The following TTC19 variants were observed in gnomAD, a reference collection of about 807,000 sequenced individuals.
The protein encoded by TTC19 is tetratricopeptide repeat domain 19, also known as tetratricopeptide repeat protein 19, mitochondrial.
A neutral mutation model predicts 49.5 loss-of-function variants in TTC19; 38 were observed. The ratio of observed to expected loss-of-function variants is 0.77; its 90% CI spans 0.59 to 1.01. The LOEUF (loss-of-function observed/expected upper bound fraction) is 1.01. Among genes scored for constraint, TTC19 ranks in the 50% least tolerant of loss-of-function variants. TTC19 has a pLI of 0.00. For missense variants in TTC19, 475 were observed against 477.7 expected (o/e 0.99, Z 0.05); for synonymous variants, 204 against 185.2 (o/e 1.10, Z -0.83).
chr17:16,015,318 G>C (rs1971182907), intron 7 of TTC19, among the ~76,000 whole-genome samples: 1 of 152,002 alleles, frequency 6.6e-6, no homozygotes. Flanking sequence ...ATATAGGACA[G>C]TGCTAAAAAC....
In TTC19 at chr17:16,017,405, C is replaced by T. The variant is rs369951424; in HGVS notation, c.677-7612C>T. On this transcript the variant is annotated intron_variant, in intron 7 of 9. Transcript: ENST00000261647. ...CAGAGCTTGCAGTGAGCCGAGATCG[C>T]GCCACTGCACTCCAGCCTGGGCGAC... 2.7e-4 allele frequency among the ~76,000 whole-genome samples: 39 copies of T among 146,484 alleles called. No individual in the cohort carries two copies. In the East Asian group the frequency reaches 4.0e-3, roughly 15 times the overall value.
rs371805295 is a variant in TTC19 at position 16,000,216 on chromosome 17, G to C, written c.283G>C (p.Glu95Gln). The C allele has an allele frequency of 1.1e-5, 18 of 1,595,098 alleles. No individual in the cohort carries two copies. Among genetic ancestry groups the C allele is most frequent in the Middle Eastern group, 2.2e-4 (1 of 4,464 alleles). ...GGACGGGGCGGACGAGGCCGAGGCA[G>C]AGATCATCCAGCTGCTGAAGCGAGC... ...AEDGADEAEA[E>Q]IIQLLKRAKL... The change falls in exon 2 of 10, where the codon GAG becomes CAG. Residue 95 changes from glutamate (E) to glutamine (Q), a missense_variant. Glu to Gln is a conservative substitution (Grantham distance 29). Coordinates refer to ENST00000261647, the MANE Select transcript of TTC19 (RefSeq NM_017775.4).
intron 1 of TTC19, 24 bp from the exon 2 acceptor site, chr17:16,000,094 T>C: frequency 4.8e-6 from 7 of 1,467,116 alleles, no homozygotes; most frequent in Non-Finnish European, 6.3e-6. Context: ...CCGGGCCCGA[T>C]GACCTCAGAG....
At chr17:16,038,692 C>T (rs1455418038) in intron 2 of TTC19, among the ~76,000 whole-genome samples, 1 of 152,110 alleles carries the variant, frequency 6.6e-6, no homozygotes, top group African/African-American at 2.4e-5. Flanking sequence ...CCCAACTTAC[C>T]CTCCCAAAGT....
chr17:16,003,789 T>C (rs775707631), intron 4 of TTC19, 42 bp from the exon 5 acceptor site: 13 of 1,536,116 alleles, frequency 8.5e-6, no homozygotes, highest in South Asian at 5.7e-5. Context: ...ATATATAAAA[T>C]GGGGCCCAAT....
At position 16,002,084 on chromosome 17, in the gene TTC19, A is replaced by G. The variant is rs1970754667; in HGVS notation, c.423+59A>G. ...GGAAGGTTGGATGGGAGGGAAGGGTAGTTAGTTCTTCTGATTTATATTCCT... is the reference window on the plus strand; with the variant it reads ...GGAAGGTTGGATGGGAGGGAAGGGTGGTTAGTTCTTCTGATTTATATTCCT... On this transcript the variant is annotated intron_variant, in intron 3 of 9. Transcript: ENST00000261647. 4.5e-6 allele frequency: 5 copies of G among 1,117,880 alleles called. No homozygotes were observed. The East Asian group carries it at 9.4e-5, about 21-fold the overall frequency. The allele number at this position is 1,117,880 out of a possible 1,614,324, so 69.2% of individuals were successfully genotyped here.
At chr17:16,042,429 C>T (rs1245536875) in intron 2 of TTC19, among the ~76,000 whole-genome samples, 2 of 152,126 alleles carry the variant, frequency 1.3e-5, no homozygotes, top group African/African-American at 4.8e-5. Flanking sequence ...AGATACTGCA[C>T]TTGCAGGATA....
chr17:16,004,327 TATTC>T (rs1555528936), intron 6 of TTC19, 65 bp downstream of exon 6: 2 of 1,458,336 alleles, frequency 1.4e-6, no homozygotes, highest in Non-Finnish European at 1.9e-6. Context: ...TGTTACATAA[TATTC>T]ATTGTCTACT....
chr17:16,039,567 C>T (rs753096531), intron 2 of TTC19: 2 of 1,614,172 alleles, frequency 1.2e-6, no homozygotes, highest in African/African-American at 2.7e-5. Context: ...GTCATCAAAG[C>T]TTCCCATGAG....
intron 2 of TTC19, among the ~76,000 whole-genome samples, chr17:16,044,207 CT>C (rs2058268857): frequency 6.7e-6 from 1 of 150,294 alleles, no homozygotes; most frequent in Non-Finnish European, 1.5e-5. Flanking sequence ...GAAAGGCTAT[CT>C]GTAAGCCTGA....
At chr17:16,015,453 G>A (rs1252901839) in intron 7 of TTC19, among the ~76,000 whole-genome samples, 33 of 151,948 alleles carry the variant, frequency 2.2e-4, no homozygotes, top group Admixed American at 2.2e-3. Context: ...CTACTCTTAC[G>A]TATCTGAGAT....
At chr17:16,024,602 G>A (rs921073003) in intron 7 of TTC19, 1 of 263,332 alleles carries the variant, frequency 3.8e-6, no homozygotes, top group Non-Finnish European at 7.4e-6. Context: ...ACCGCGCCCG[G>A]CCTTTACGTT....
chr17:16,036,918 A>G (rs1256682684), intron 2 of TTC19, among the ~76,000 whole-genome samples: 1 of 152,216 alleles, frequency 6.6e-6, no homozygotes, highest in Admixed American at 6.5e-5. Flanking sequence ...TGCATTCACA[A>G]TTTGGCTAAC....
intron 2 of TTC19, among the ~76,000 whole-genome samples, chr17:16,036,800 A>C (rs1392211606): frequency 6.6e-6 from 1 of 152,198 alleles, no homozygotes; most frequent in Non-Finnish European, 1.5e-5. Context: ...TTGGTCTTCT[A>C]TCCAGACCAC....
intron 7 of TTC19, among the ~76,000 whole-genome samples, chr17:16,016,989 C>T (rs541143219): frequency 3.9e-5 from 6 of 152,254 alleles, no homozygotes; most frequent in African/African-American, 7.2e-5. Flanking sequence ...CCACCATGCC[C>T]GGCCGATAAA....
chr17:16,035,060 C>T, intron 2 of TTC19: 1 of 937,942 alleles, frequency 1.1e-6, no homozygotes, highest in Non-Finnish European at 1.6e-6. Flanking sequence ...ATGAAGAATC[C>T]AGATCCTGGT....
chr17:16,041,468 C>T (rs1486517601), intron 2 of TTC19, among the ~76,000 whole-genome samples: 2 of 133,722 alleles, frequency 1.5e-5, no homozygotes, highest in Non-Finnish European at 3.1e-5. Flanking sequence ...GGCTGGAGTG[C>T]AATGGCGTGA....
chr17:16,022,022 G>T (rs893430158), intron 7 of TTC19, among the ~76,000 whole-genome samples: 1 of 152,110 alleles, frequency 6.6e-6, no homozygotes, highest in African/African-American at 2.4e-5. Flanking sequence ...TGTGCCTGTG[G>T]TCGGGGGGTT....
At chr17:16,002,668 A>G in intron 3 of TTC19, 125 bp from the exon 4 acceptor site, 1 of 839,964 alleles carries the variant, frequency 1.2e-6, no homozygotes, top group South Asian at 1.3e-5. Flanking sequence ...TTAATTGGTG[A>G]TGTGCTTTTC....
Sources: allele counts gnomAD v4.1 joint callset (sites outside exome capture counted in the v4.1 genomes callset), GRCh38; gene constraint gnomAD v4.1.1; transcripts MANE v1.5; gene names NCBI Gene and HGNC (gene_info 2026-07-23, HGNC 2026-07-21).